KIAA1217: variants seen among roughly 807,000 people sequenced by gnomAD.
KIAA1217 encodes sickle tail protein homolog.
KIAA1217 carries 88 observed loss-of-function variants against 163.9 expected under a neutral mutation model. That is an observed-to-expected ratio of 0.54 (90% CI 0.45 to 0.64). The LOEUF (loss-of-function observed/expected upper bound fraction) is 0.64. Ranked by LOEUF, KIAA1217 falls within the 30% of genes least tolerant of loss-of-function variation. KIAA1217 has a pLI of 0.00. For missense variants in KIAA1217, 2,372 were observed against 2,475.0 expected (o/e 0.96, Z 0.88); for synonymous variants, 903 against 923.1 (o/e 0.98, Z 0.39).
intron 5 of KIAA1217, among the ~76,000 whole-genome samples, chr10:24,457,889 C>T (rs2061970746): frequency 1.3e-5 from 2 of 152,202 alleles, no homozygotes; most frequent in African/African-American, 4.8e-5. Context: ...TGACTTGCTT[C>T]TGTTCTTTCT....
chr10:24,107,792 C>T (rs190601814), intron 2 of KIAA1217, among the ~76,000 whole-genome samples: 167 of 152,116 alleles, frequency 1.1e-3, no homozygotes, highest in African/African-American at 3.9e-3. Context: ...TTTAACAGAC[C>T]TTGTACTCAC....
intron 11 of KIAA1217, 47 bp downstream of exon 11, chr10:24,520,300 G>A (rs1663967799): frequency 6.2e-7 from 1 of 1,601,150 alleles, no homozygotes; most frequent in African/African-American, 1.3e-5. Context: ...TGTCTTTCCT[G>A]CGGTGTTTAA....
chr10:24,484,336 C>T (rs1030693509), intron 6 of KIAA1217, among the ~76,000 whole-genome samples: 2 of 147,352 alleles, frequency 1.4e-5, no homozygotes, highest in African/African-American at 5.0e-5. Flanking sequence ...CCTCCGCCTC[C>T]CGGGTTCAAA....
chr10:23,736,925 C>T (rs553254963), intron 1 of KIAA1217, among the ~76,000 whole-genome samples: 2 of 152,168 alleles, frequency 1.3e-5, no homozygotes, highest in African/African-American at 4.8e-5. Flanking sequence ...ATATATATTT[C>T]GGAATCAGCT....
chr10:23,875,787 A>G (rs1588995217), intron 1 of KIAA1217, among the ~76,000 whole-genome samples: 1 of 152,190 alleles, frequency 6.6e-6, no homozygotes, highest in African/African-American at 2.4e-5. Context: ...TGATGAGTTC[A>G]TGTCCTCTGC....
chr10:24,501,122 A>T (rs909012419), intron 8 of KIAA1217, among the ~76,000 whole-genome samples: 1 of 152,156 alleles, frequency 6.6e-6, no homozygotes, highest in African/African-American at 2.4e-5. Context: ...CAATTGATAG[A>T]ACAATCAGTG....
chr10:23,960,309 A>T (rs1029890805), intron 1 of KIAA1217, among the ~76,000 whole-genome samples: 3 of 151,878 alleles, frequency 2.0e-5, no homozygotes, highest in African/African-American at 7.3e-5. Context: ...CCAAGGCTGG[A>T]GTGCAGTGGT....
chr10:24,326,039 G>A (rs1416781423), intron 2 of KIAA1217, among the ~76,000 whole-genome samples: 1 of 152,166 alleles, frequency 6.6e-6, no homozygotes, highest in Admixed American at 6.5e-5. Flanking sequence ...GCTAAGGCCT[G>A]GTTGGAGTGA....
At chr10:24,529,830 C>T (rs1032180610) in intron 14 of KIAA1217, among the ~76,000 whole-genome samples, 3 of 148,258 alleles carry the variant, frequency 2.0e-5, no homozygotes, top group Non-Finnish European at 3.0e-5. Flanking sequence ...CTGAGTCTCA[C>T]TCTGTCACCC....
At chr10:24,338,635 C>A (rs2046691679) in intron 2 of KIAA1217, among the ~76,000 whole-genome samples, 1 of 152,174 alleles carries the variant, frequency 6.6e-6, no homozygotes, top group South Asian at 2.1e-4. Context: ...TGTGTCTGAC[C>A]TAAAACTTGT....
At chr10:23,762,240 A>G (rs1364224002) in intron 1 of KIAA1217, among the ~76,000 whole-genome samples, 2 of 152,170 alleles carry the variant, frequency 1.3e-5, no homozygotes, top group African/African-American at 4.8e-5. Flanking sequence ...AACAATTGAA[A>G]AGAAGGGACT....
chr10:24,231,223 G>GA (rs1171521102), intron 2 of KIAA1217, among the ~76,000 whole-genome samples: 3 of 152,260 alleles, frequency 2.0e-5, no homozygotes, highest in African/African-American at 7.2e-5. Context: ...GAGCTGGGGG[G>GA]ATCATCCATG....
chr10:24,082,163 G>T (rs964365743), intron 2 of KIAA1217, among the ~76,000 whole-genome samples: 1 of 152,166 alleles, frequency 6.6e-6, no homozygotes, highest in Non-Finnish European at 1.5e-5. Context: ...CTTCACCCCA[G>T]AGGAATTCAC....
At chr10:24,055,667 G>C (rs1849840631) in intron 2 of KIAA1217, among the ~76,000 whole-genome samples, 1 of 151,898 alleles carries the variant, frequency 6.6e-6, no homozygotes, top group African/African-American at 2.4e-5. Context: ...AGAAGGTGAG[G>C]GCTTATTTGC....
chr10:24,282,761 A>G (rs573493374), intron 2 of KIAA1217, among the ~76,000 whole-genome samples: 1 of 150,578 alleles, frequency 6.6e-6, no homozygotes, highest in East Asian at 1.9e-4. Context: ...CAATCCTAAA[A>G]TCAACCATCT....
chr10:23,821,619 C>T (rs1393954854), intron 1 of KIAA1217, among the ~76,000 whole-genome samples: 1 of 152,198 alleles, frequency 6.6e-6, no homozygotes, highest in African/African-American at 2.4e-5. Context: ...TCATGCTCCT[C>T]CATCTACCGA....
At chr10:23,971,920 C>G (rs1241827086) in intron 1 of KIAA1217, among the ~76,000 whole-genome samples, 1 of 152,200 alleles carries the variant, frequency 6.6e-6, no homozygotes, top group East Asian at 1.9e-4. Context: ...CCCAGACACT[C>G]TCTTGTATTG....
At chr10:23,765,389 G>A (rs1368592429) in intron 1 of KIAA1217, among the ~76,000 whole-genome samples, 1 of 151,472 alleles carries the variant, frequency 6.6e-6, no homozygotes, top group Non-Finnish European at 1.5e-5. Context: ...TAGCCAGGAT[G>A]GTCTCAATCT....
At chr10:24,251,130 G>A (rs199859082) in intron 2 of KIAA1217, among the ~76,000 whole-genome samples, 1 of 151,996 alleles carries the variant, frequency 6.6e-6, no homozygotes, top group Admixed American at 6.5e-5. Flanking sequence ...GGAGGCTGAG[G>A]CATGAGAATC....
Sources: gnomAD v4.1 joint callset for allele counts (sites outside exome capture counted in the v4.1 genomes callset) on GRCh38, gnomAD v4.1.1 for gene constraint, MANE v1.5 for transcripts, NCBI Gene and HGNC (gene_info 2026-07-23, HGNC 2026-07-21) for gene names.